Variants in SORBS2 observed in about 807,000 individuals in gnomAD.
The protein encoded by SORBS2 is sorbin and SH3 domain-containing protein 2.
In SORBS2, 46 loss-of-function variants were observed where a neutral mutation model predicts 97.7. The ratio of observed to expected loss-of-function variants is 0.47; its 90% CI spans 0.37 to 0.60. The LOEUF is 0.60. Ranked by LOEUF, SORBS2 falls within the 20% of genes least tolerant of loss-of-function variation. The pLI, the probability that SORBS2 is intolerant of heterozygous loss-of-function variation, is 0.00. For missense variants in SORBS2, 1,316 were observed against 1,282.3 expected, an observed-to-expected ratio of 1.03 and a Z score of -0.40; for synonymous variants, 476 against 473.4, an observed-to-expected ratio of 1.01 and a Z score of -0.07.
intron 1 of SORBS2, among the ~76,000 whole-genome samples, chr4:185,908,537 T>C (rs1214859894): frequency 6.6e-6 from 1 of 151,300 alleles, no homozygotes; most frequent in Non-Finnish European, 1.5e-5. Flanking sequence ...TAGAAAGGGT[T>C]TGTTGGAAAA....
intron 4 of SORBS2, among the ~76,000 whole-genome samples, chr4:185,670,717 C>T (rs1019329919): frequency 6.6e-6 from 1 of 151,960 alleles, no homozygotes; most frequent in African/African-American, 2.4e-5. Context: ...TCTTTACCTC[C>T]CATCCACACA....
chr4:185,951,106 C>T (rs141999306), intron 1 of SORBS2, among the ~76,000 whole-genome samples: 2 of 152,226 alleles, frequency 1.3e-5, no homozygotes, highest in African/African-American at 4.8e-5. Flanking sequence ...GGTACCCTTC[C>T]AGCGCTTCAT....
At chr4:185,881,400 A>T (rs746098247) in intron 1 of SORBS2, among the ~76,000 whole-genome samples, 2 of 152,220 alleles carry the variant, frequency 1.3e-5, no homozygotes, top group Non-Finnish European at 2.9e-5. Flanking sequence ...GAAATAACAG[A>T]AAGTGCTCCA....
exon 8 of SORBS2, chr4:185,620,065 C>T (rs1214276058): frequency 1.9e-6 from 3 of 1,596,476 alleles, no homozygotes; most frequent in Non-Finnish European, 1.7e-6. Context: ...TTAACTACCT[C>T]TTTTTCTGGA....
rs201837020 is a variant in SORBS2, at chr4:185,827,294, T to C, written c.-337-51928A>G. Among the ~76,000 whole-genome samples, 26 of 50,050 alleles carry C rather than the reference T, an allele frequency of 5.2e-4. 1 individual carries two copies. The highest frequency in any genetic ancestry group is 0.01 in the Middle Eastern group (1 of 96). The allele number at this position is 50,050 out of a possible 152,430, so 32.8% of individuals were successfully genotyped here. ...ATCATCACCATCATCATCACCATCA[T>C]CATCATCACCATCATCACCATCATC... On this transcript the variant is annotated intron_variant, in intron 1 of 20. Transcript: ENST00000284776.
intron 2 of SORBS2, among the ~76,000 whole-genome samples, chr4:185,725,353 G>A (rs760613685): frequency 2.6e-5 from 4 of 152,188 alleles, no homozygotes; most frequent in Non-Finnish European, 4.4e-5. Context: ...AGGAGAAGCG[G>A]CATTTGAGAA....
At chr4:185,729,792 T>G (rs12650192) in intron 2 of SORBS2, among the ~76,000 whole-genome samples, 1 of 152,146 alleles carries the variant, frequency 6.6e-6, no homozygotes, top group African/African-American at 2.4e-5. Flanking sequence ...GTACAACTTA[T>G]GTAATTTTTT....
At chr4:185,590,776 A>G (rs2095908200) in intron 13 of SORBS2, among the ~76,000 whole-genome samples, 1 of 152,172 alleles carries the variant, frequency 6.6e-6, no homozygotes. Context: ...AGGCGAAATT[A>G]CTGTAGCTGA....
chr4:185,921,677 A>G (rs2149923773), intron 1 of SORBS2, among the ~76,000 whole-genome samples: 1 of 152,358 alleles, frequency 6.6e-6, no homozygotes, highest in East Asian at 1.9e-4. Context: ...TCCTCAGTTC[A>G]CAAAGCAATG....
chr4:185,616,968 C>T (rs988258990), intron 9 of SORBS2, among the ~76,000 whole-genome samples: 3 of 152,150 alleles, frequency 2.0e-5, no homozygotes, highest in Non-Finnish European at 4.4e-5. Context: ...AGGCTGGTCT[C>T]GAACTTCTGA....
At chr4:185,761,517 A>ACTGG (rs2098891692) in intron 2 of SORBS2, 1 of 152,264 alleles carries the variant, frequency 6.6e-6, no homozygotes, top group Non-Finnish European at 1.5e-5. Context: ...CATTGGAGAA[A>ACTGG]GGCTATGCTC....
At chr4:185,766,460 A>G (rs2098934586) in intron 2 of SORBS2, among the ~76,000 whole-genome samples, 1 of 152,230 alleles carries the variant, frequency 6.6e-6, no homozygotes, top group African/African-American at 2.4e-5. Flanking sequence ...AATAGAAAAT[A>G]CTGTAGATCT....
At chr4:185,886,558 A>AAAAAAAAAAAAAAAAAAAG (rs1354050051) in intron 1 of SORBS2, among the ~76,000 whole-genome samples, 4 of 122,246 alleles carry the variant, frequency 3.3e-5, no homozygotes, top group Admixed American at 8.0e-5. Context: ...CTGTCTCAAA[A>AAAAAAAAAAAAAAAAAAAG]AAAAAAAAAA....
intron 1 of SORBS2, among the ~76,000 whole-genome samples, chr4:185,906,955 G>A (rs183475564): frequency 1.1e-4 from 17 of 152,028 alleles, no homozygotes; most frequent in South Asian, 4.2e-4. Flanking sequence ...GCGAAACCCC[G>A]TGTCTACTAA....
intron 1 of SORBS2, among the ~76,000 whole-genome samples, chr4:185,840,591 A>G (rs2099210892): frequency 1.4e-5 from 2 of 144,130 alleles, no homozygotes; most frequent in East Asian, 1.9e-4. Context: ...TGACTCTTGG[A>G]AAAAAAAATA....
At chr4:185,628,539 G>A (rs1202678750) in intron 5 of SORBS2, among the ~76,000 whole-genome samples, 1 of 152,206 alleles carries the variant, frequency 6.6e-6, no homozygotes, top group Admixed American at 6.5e-5. Context: ...ATGGCTCAAG[G>A]TCAGGAGTTT....
chr4:185,655,977 C>G (rs1267424990), intron 1 of SORBS2, among the ~76,000 whole-genome samples: 1 of 152,200 alleles, frequency 6.6e-6, no homozygotes, highest in East Asian at 1.9e-4. Flanking sequence ...GCCAGTTACA[C>G]AAAACCAATG....
intron 1 of SORBS2, among the ~76,000 whole-genome samples, chr4:185,849,988 C>T (rs1286146560): frequency 6.6e-6 from 1 of 152,178 alleles, no homozygotes; most frequent in Admixed American, 6.5e-5. Flanking sequence ...GCGTTTTGAT[C>T]CACACCCACC....
rs1383404891 is a variant in SORBS2 at position 185,927,440 on chromosome 4, C to G, written c.-338+28756G>C. On this transcript the variant is annotated intron_variant, in intron 1 of 20. Coordinates refer to the SORBS2 transcript ENST00000284776. ...GTCCTAATGCTCTCCCTCCCCTTGCCCCCCACCCCCTGACAGGCCCCTGTG... is the reference window on the plus strand; with the variant it reads ...GTCCTAATGCTCTCCCTCCCCTTGCGCCCCACCCCCTGACAGGCCCCTGTG... 2.6e-5 allele frequency among the ~76,000 whole-genome samples: 4 copies of G among 151,762 alleles called. No homozygotes were observed. In the East Asian group the frequency reaches 5.9e-4, roughly 22 times the overall value.
Sources: allele counts gnomAD v4.1 joint callset (sites outside exome capture counted in the v4.1 genomes callset), GRCh38; gene constraint gnomAD v4.1.1; transcripts MANE v1.5; gene names NCBI Gene and HGNC (gene_info 2026-07-23, HGNC 2026-07-21).